The following ARB2A variants were observed in gnomAD, a reference collection of about 807,000 sequenced individuals.
ARB2A encodes cotranscriptional regulator ARB2A.
the ARB2A span, among the ~76,000 whole-genome samples, chr5:94,076,328 A>T: frequency 6.6e-6 from 1 of 152,204 alleles, no homozygotes; most frequent in Non-Finnish European, 1.5e-5. Context: ...CACTTAGCAT[A>T]AGTGACTCTT....
chr5:93,839,488 T>C, the ARB2A span, among the ~76,000 whole-genome samples: 1 of 152,082 alleles, frequency 6.6e-6, no homozygotes, highest in Non-Finnish European at 1.5e-5. Flanking sequence ...TTGAATTTTT[T>C]TGTTGTGTCT....
At chr5:94,092,502 C>T in the ARB2A span, among the ~76,000 whole-genome samples, 10 of 152,310 alleles carry the variant, frequency 6.6e-5, no homozygotes, top group South Asian at 1.7e-3. Flanking sequence ...TCCTTGCCAA[C>T]ACATAACTCC....
chr5:93,781,488 G>A, the ARB2A span, among the ~76,000 whole-genome samples: 1 of 152,072 alleles, frequency 6.6e-6, no homozygotes, highest in East Asian at 1.9e-4. Flanking sequence ...ATAGCACTGC[G>A]ATAAACATAC....
chr5:93,803,059 C>T, the ARB2A span, among the ~76,000 whole-genome samples: 6 of 152,008 alleles, frequency 3.9e-5, no homozygotes, highest in Admixed American at 3.9e-4. Context: ...CAAAAATCTC[C>T]AATGGAAATG....
chr5:94,006,290 C>A, the ARB2A span, among the ~76,000 whole-genome samples: 2 of 152,186 alleles, frequency 1.3e-5, no homozygotes, highest in Non-Finnish European at 2.9e-5. Flanking sequence ...TACACACTCA[C>A]TCCATAACTC....
the ARB2A span, among the ~76,000 whole-genome samples, chr5:93,666,933 A>G: frequency 6.6e-6 from 1 of 152,212 alleles, no homozygotes; most frequent in East Asian, 1.9e-4. Flanking sequence ...TAAATATAAG[A>G]GATGTGGTAT....
chr5:93,876,148 TA>T, the ARB2A span, among the ~76,000 whole-genome samples: 1 of 152,202 alleles, frequency 6.6e-6, no homozygotes, highest in Non-Finnish European at 1.5e-5. Context: ...CAAAGTACTA[TA>T]ACCAGTGGTG....
the ARB2A span, among the ~76,000 whole-genome samples, chr5:93,787,323 G>A: frequency 6.6e-6 from 1 of 152,140 alleles, no homozygotes; most frequent in Non-Finnish European, 1.5e-5. Flanking sequence ...GTGTTGGATA[G>A]AAGTGATGAC....
At chr5:93,846,415 T>C in the ARB2A span, among the ~76,000 whole-genome samples, 2 of 151,750 alleles carry the variant, frequency 1.3e-5, no homozygotes, top group Non-Finnish European at 2.9e-5. Context: ...GGTGGGAGAA[T>C]TGCTTGAGCC....
chr5:93,821,292 G>A, the ARB2A span, among the ~76,000 whole-genome samples: 102 of 152,110 alleles, frequency 6.7e-4, no homozygotes, highest in African/African-American at 2.3e-3. Flanking sequence ...AACTAAGACT[G>A]TTCCCTAAGA....
chr5:93,759,935 C>A, the ARB2A span, among the ~76,000 whole-genome samples: 1 of 152,070 alleles, frequency 6.6e-6, no homozygotes, highest in African/African-American at 2.4e-5. Context: ...ACATCCAAAT[C>A]GGTAAAGAGG....
At chr5:94,001,907 C>T in the ARB2A span, among the ~76,000 whole-genome samples, 1 of 152,134 alleles carries the variant, frequency 6.6e-6, no homozygotes, top group African/African-American at 2.4e-5. Flanking sequence ...AAAGGAATTG[C>T]TATAAATAGG....
At chr5:93,811,564 TTAGTACAA>T in the ARB2A span, among the ~76,000 whole-genome samples, 1 of 152,224 alleles carries the variant, frequency 6.6e-6, no homozygotes, top group African/African-American at 2.4e-5. Flanking sequence ...GTCACTACAA[TTAGTACAA>T]TACACTATTT....
the ARB2A span, among the ~76,000 whole-genome samples, chr5:93,841,406 A>G: frequency 6.6e-6 from 1 of 152,168 alleles, no homozygotes; most frequent in Non-Finnish European, 1.5e-5. Flanking sequence ...TAATCCAGAG[A>G]TGATTTAAAG....
the ARB2A span, among the ~76,000 whole-genome samples, chr5:93,858,560 A>G: frequency 1.3e-5 from 2 of 152,180 alleles, no homozygotes; most frequent in African/African-American, 4.8e-5. Context: ...CCTTTATCTA[A>G]TCAATTGGCA....
At chr5:93,761,984 T>C in the ARB2A span, among the ~76,000 whole-genome samples, 1 of 152,134 alleles carries the variant, frequency 6.6e-6, no homozygotes, top group African/African-American at 2.4e-5. Context: ...GACCTGCAGA[T>C]GAGGGTCCTT....
At chr5:94,006,108 T>C in the ARB2A span, among the ~76,000 whole-genome samples, 2 of 152,212 alleles carry the variant, frequency 1.3e-5, no homozygotes, top group African/African-American at 2.4e-5. Flanking sequence ...TTTATTATAA[T>C]AACCCCAAAC....
At chr5:93,862,369 C>T in the ARB2A span, 1 of 152,196 alleles carries the variant, frequency 6.6e-6, no homozygotes, top group Non-Finnish European at 1.5e-5. Context: ...GAACTTACTT[C>T]TGTAAACAGA....
At chr5:94,035,631 A>G in the ARB2A span, among the ~76,000 whole-genome samples, 5 of 152,108 alleles carry the variant, frequency 3.3e-5, no homozygotes, top group Non-Finnish European at 7.3e-5. Flanking sequence ...AGACTGAATA[A>G]AGAAAATGTG....
Sources: gnomAD v4.1 joint callset for allele counts (sites outside exome capture counted in the v4.1 genomes callset) on GRCh38, gnomAD v4.1.1 for gene constraint, MANE v1.5 for transcripts, NCBI Gene and HGNC (gene_info 2026-07-23, HGNC 2026-07-21) for gene names.